The following KCNIP4 variants were observed in gnomAD, a reference collection of about 807,000 sequenced individuals.
KCNIP4 encodes Kv channel-interacting protein 4.
KCNIP4 carries 12 observed loss-of-function variants against 34.0 expected under a neutral mutation model. The observed-to-expected ratio is 0.35, with a 90% CI of 0.23 to 0.57. The LOEUF (loss-of-function observed/expected upper bound fraction) is 0.57, where lower values mean the gene tolerates loss of function less well. Among genes scored for constraint, KCNIP4 ranks in the 20% least tolerant of loss-of-function variants. KCNIP4 has a pLI of 0.83. For missense variants in KCNIP4, 238 were observed against 311.7 expected (o/e 0.76, Z 1.78); for synonymous variants, 124 against 102.2 (o/e 1.21, Z -1.29).
chr4:21,727,498 C>T (rs2109105152), intron 1 of KCNIP4, among the ~76,000 whole-genome samples: 1 of 152,168 alleles, frequency 6.6e-6, no homozygotes, highest in Admixed American at 6.6e-5. Flanking sequence ...TTTGTTACAG[C>T]AGCACAAACA....
At chr4:21,678,374 C>CA (rs1474154984) in intron 1 of KCNIP4, among the ~76,000 whole-genome samples, 1 of 140,034 alleles carries the variant, frequency 7.1e-6, no homozygotes, top group Non-Finnish European at 1.5e-5. Flanking sequence ...ATGGACCATG[C>CA]AAAAAAACAG....
At chr4:21,002,971 C>T (rs1301976051) in intron 1 of KCNIP4, among the ~76,000 whole-genome samples, 1 of 152,174 alleles carries the variant, frequency 6.6e-6, no homozygotes, top group Non-Finnish European at 1.5e-5. Context: ...ACATCCCTCA[C>T]ATAATGAAAG....
intron 1 of KCNIP4, among the ~76,000 whole-genome samples, chr4:21,394,797 T>C (rs1306336014): frequency 6.6e-6 from 1 of 152,158 alleles, no homozygotes; most frequent in Non-Finnish European, 1.5e-5. Context: ...AACTTCACTT[T>C]TAATTCAGGG....
intron 1 of KCNIP4, among the ~76,000 whole-genome samples, chr4:21,020,641 A>G (rs1374443609): frequency 2.0e-5 from 3 of 152,198 alleles, no homozygotes; most frequent in African/African-American, 7.2e-5. Flanking sequence ...CAATTACTTC[A>G]GGAATCTGGT....
chr4:21,132,853 C>CAAAAAAAA (rs71189683), intron 1 of KCNIP4, among the ~76,000 whole-genome samples: 6 of 116,686 alleles, frequency 5.1e-5, no homozygotes, highest in Non-Finnish European at 8.8e-5. Context: ...TACTAAACGA[C>CAAAAAAAA]AAAAAAAAAA....
At chr4:21,016,196 CT>C (rs1185747325) in intron 1 of KCNIP4, among the ~76,000 whole-genome samples, 6 of 151,416 alleles carry the variant, frequency 4.0e-5, no homozygotes, top group Non-Finnish European at 8.8e-5. Flanking sequence ...TCCTTACAAA[CT>C]GGATGAGGGC....
At chr4:21,457,123 AG>A (rs1434700109) in intron 1 of KCNIP4, among the ~76,000 whole-genome samples, 1 of 151,914 alleles carries the variant, frequency 6.6e-6, no homozygotes, top group Non-Finnish European at 1.5e-5. Flanking sequence ...TGCTTCATTG[AG>A]GAAATCTTTC....
At chr4:21,553,034 G>T (rs184593896) in intron 1 of KCNIP4, among the ~76,000 whole-genome samples, 2 of 152,038 alleles carry the variant, frequency 1.3e-5, no homozygotes, top group Non-Finnish European at 2.9e-5. Context: ...GGCCAGTGGG[G>T]GTTGAGGGGG....
intron 5 of KCNIP4, among the ~76,000 whole-genome samples, chr4:20,735,518 GTTT>G (rs754949562): frequency 2.3e-5 from 3 of 130,812 alleles, no homozygotes; most frequent in Admixed American, 8.1e-5. Flanking sequence ...TTCATTTAGT[GTTT>G]TTTTTTTTGT....
intron 1 of KCNIP4, among the ~76,000 whole-genome samples, chr4:21,604,837 G>A (rs1030138506): frequency 3.3e-5 from 5 of 152,136 alleles, no homozygotes; most frequent in Non-Finnish European, 5.9e-5. Flanking sequence ...AGACAAACTA[G>A]AAAAGTAAAG....
intron 1 of KCNIP4, among the ~76,000 whole-genome samples, chr4:21,772,471 A>C (rs977478971): frequency 6.6e-6 from 1 of 152,046 alleles, no homozygotes; most frequent in Non-Finnish European, 1.5e-5. Context: ...CTCCTGTTCA[A>C]TTGTTTGGAA....
chr4:21,397,024 G>T (rs943094837), intron 1 of KCNIP4, among the ~76,000 whole-genome samples: 12 of 152,114 alleles, frequency 7.9e-5, no homozygotes, highest in African/African-American at 2.9e-4. Flanking sequence ...TCCCAGTGGG[G>T]AAAATAAAAA....
At chr4:21,461,623 G>T (rs1302716970) in intron 1 of KCNIP4, among the ~76,000 whole-genome samples, 1 of 151,996 alleles carries the variant, frequency 6.6e-6, no homozygotes, top group African/African-American at 2.4e-5. Context: ...TGTAAGTCCA[G>T]TCTCTAGACT....
intron 1 of KCNIP4, among the ~76,000 whole-genome samples, chr4:21,734,153 T>C (rs2109116902): frequency 6.6e-6 from 1 of 152,304 alleles, no homozygotes; most frequent in East Asian, 1.9e-4. Context: ...TATTCTGGGC[T>C]ACCAAAGAAA....
chr4:20,965,211 T>C (rs539829013), intron 1 of KCNIP4, among the ~76,000 whole-genome samples: 2 of 152,206 alleles, frequency 1.3e-5, no homozygotes, highest in Non-Finnish European at 2.9e-5. Flanking sequence ...CTGTCTATCC[T>C]ATATTCCTGC....
At chr4:21,632,178 A>T (rs1745812736) in intron 1 of KCNIP4, among the ~76,000 whole-genome samples, 1 of 152,012 alleles carries the variant, frequency 6.6e-6, no homozygotes, top group South Asian at 2.1e-4. Flanking sequence ...TTATTGTTAC[A>T]CTTTAGTTTT....
chr4:21,289,087 T>C (rs1254300529), intron 1 of KCNIP4, among the ~76,000 whole-genome samples: 2 of 152,252 alleles, frequency 1.3e-5, no homozygotes, highest in East Asian at 3.8e-4. Flanking sequence ...GTCTTTGGAC[T>C]TCAGTTCTGT....
At chr4:21,644,006 C>T (rs186870928) in intron 1 of KCNIP4, among the ~76,000 whole-genome samples, 47 of 152,094 alleles carry the variant, frequency 3.1e-4, no homozygotes, top group African/African-American at 1.1e-3. Context: ...TTTAAATAAA[C>T]TTTTTCTTTT....
chr4:21,940,691 A>C (rs1029117394), intron 1 of KCNIP4, among the ~76,000 whole-genome samples: 1 of 152,176 alleles, frequency 6.6e-6, no homozygotes, highest in African/African-American at 2.4e-5. Flanking sequence ...AAAAGAAAGA[A>C]ACAGCAACAT....
Sources: gnomAD v4.1 joint callset for allele counts (sites outside exome capture counted in the v4.1 genomes callset) on GRCh38, gnomAD v4.1.1 for gene constraint, MANE v1.5 for transcripts, NCBI Gene and HGNC (gene_info 2026-07-23, HGNC 2026-07-21) for gene names.